FAM168A: variants seen among roughly 807,000 people sequenced by gnomAD.
FAM168A encodes family with sequence similarity 168 member A, also known as protein FAM168A.
In FAM168A, 3 loss-of-function variants were observed where a neutral mutation model predicts 28.5. The ratio of observed to expected loss-of-function variants is 0.11; its 90% confidence interval spans 0.05 to 0.27. The LOEUF (loss-of-function observed/expected upper bound fraction) is 0.27. Among genes scored for constraint, FAM168A ranks in the 10% least tolerant of loss-of-function variants. The probability of loss-of-function intolerance (pLI) is 1.00; values close to 1 mark genes in which losing one functional copy is unlikely to be tolerated. For synonymous variants in FAM168A, 122 were observed against 124.2 expected, an observed-to-expected ratio of 0.98 and a Z score of 0.12; for missense variants, 222 against 311.5, an observed-to-expected ratio of 0.71 and a Z score of 2.16.
At chr11:73,513,205 A>ATTTTTTTTTT (rs1046600591) in intron 1 of FAM168A, among the ~76,000 whole-genome samples, 1 of 109,378 alleles carries the variant, frequency 9.1e-6, no homozygotes, top group Admixed American at 9.4e-5. Flanking sequence ...TTTTTTTTTA[A>ATTTTTTTTTT]TTTTTTTTTT....
chr11:73,442,127 T>C (rs1369190086), intron 2 of FAM168A, among the ~76,000 whole-genome samples: 2 of 113,800 alleles, frequency 1.8e-5, no homozygotes, highest in Admixed American at 1.5e-4. Context: ...TTCTTCTTCT[T>C]TTTTTTTTTT....
At chr11:73,412,030 T>C (rs1401902292) in intron 4 of FAM168A, among the ~76,000 whole-genome samples, 1 of 152,200 alleles carries the variant, frequency 6.6e-6, no homozygotes, top group African/African-American at 2.4e-5. Context: ...TCTCTCTCAC[T>C]CTCTTCTTGG....
At chr11:73,591,716 A>T (rs1944384125) in intron 1 of FAM168A, among the ~76,000 whole-genome samples, 1 of 151,950 alleles carries the variant, frequency 6.6e-6, no homozygotes, top group African/African-American at 2.4e-5. Context: ...CACTATGTTG[A>T]TCAGATTGGT....
At chr11:73,535,013 G>C (rs1943559623) in intron 1 of FAM168A, among the ~76,000 whole-genome samples, 2 of 152,148 alleles carry the variant, frequency 1.3e-5, no homozygotes, top group African/African-American at 4.8e-5. Flanking sequence ...TTGTAGGAAG[G>C]AGACTAGAGG....
chr11:73,523,420 C>T (rs1943409839), intron 1 of FAM168A, among the ~76,000 whole-genome samples: 1 of 152,022 alleles, frequency 6.6e-6, no homozygotes, highest in African/African-American at 2.4e-5. Context: ...CTCTGCCTCC[C>T]CAGTAGCTGA....
At chr11:73,519,787 T>C (rs576961129) in intron 1 of FAM168A, among the ~76,000 whole-genome samples, 2,009 of 151,622 alleles carry the variant, frequency 0.013, 44 homozygotes, top group African/African-American at 0.045. Flanking sequence ...TATGTGTGTG[T>C]GTGTGTGCGT....
chr11:73,429,212 G>C (rs962117018), intron 3 of FAM168A, among the ~76,000 whole-genome samples: 1 of 152,116 alleles, frequency 6.6e-6, no homozygotes, highest in African/African-American at 2.4e-5. Flanking sequence ...GAAAGAGAAT[G>C]ACAGTAGAAT....
chr11:73,527,074 C>T (rs1399054317), intron 1 of FAM168A, among the ~76,000 whole-genome samples: 1 of 152,040 alleles, frequency 6.6e-6, no homozygotes, highest in African/African-American at 2.4e-5. Context: ...AAACTAACAG[C>T]ATGATCACAC....
At chr11:73,466,519 T>A (rs1172891466) in intron 2 of FAM168A, among the ~76,000 whole-genome samples, 1 of 152,144 alleles carries the variant, frequency 6.6e-6, no homozygotes, top group Non-Finnish European at 1.5e-5. Context: ...ATATAGTACC[T>A]AGTATGTTCT....
chr11:73,498,175 CA>C (rs1854932016), intron 1 of FAM168A, among the ~76,000 whole-genome samples: 1 of 152,106 alleles, frequency 6.6e-6, no homozygotes, highest in African/African-American at 2.4e-5. Context: ...CGAAAAAAAA[CA>C]TAATAAGTAT....
intron 1 of FAM168A, among the ~76,000 whole-genome samples, chr11:73,471,660 G>T (rs1867815579): frequency 6.6e-6 from 1 of 152,132 alleles, no homozygotes; most frequent in African/African-American, 2.4e-5. Context: ...ATGTTCCTAA[G>T]GAGATTTTGT....
At chr11:73,572,548 T>C (rs1462874658) in intron 1 of FAM168A, among the ~76,000 whole-genome samples, 1 of 151,046 alleles carries the variant, frequency 6.6e-6, no homozygotes, top group African/African-American at 2.4e-5. Flanking sequence ...TTCTTCTGCC[T>C]TGGGATCCTG....
chr11:73,484,548 CTATATCTA>C lies in FAM168A; in HGVS notation c.-18-16064_-18-16057del, dbSNP rs757019842. On this transcript the variant is annotated intron_variant, in intron 1 of 7. Coordinates refer to ENST00000356467, the MANE Select transcript of FAM168A (RefSeq NM_015159.3). The stretch of plus-strand genomic sequence containing the variant: ...TATATCTATATATCTATATATCTAT[CTATATCTA>C]TATATCTATATATCTATATATCGAT... Among the ~76,000 whole-genome samples the C allele has an allele frequency of 5.7e-3, 706 of 124,854 alleles. 14 individuals are homozygous for C. Among genetic ancestry groups the C allele is most frequent in the East Asian group, 3.6e-3 (17 of 4,736 alleles). 81.9% of individuals were successfully genotyped at this position (124,854 alleles called of 152,430 possible).
chr11:73,546,342 A>G (rs1453567854), intron 1 of FAM168A, among the ~76,000 whole-genome samples: 1 of 152,230 alleles, frequency 6.6e-6, no homozygotes, highest in African/African-American at 2.4e-5. Flanking sequence ...CAAATCAATC[A>G]AGAGCCATAA....
At chr11:73,591,966 A>G (rs979955287) in intron 1 of FAM168A, among the ~76,000 whole-genome samples, 1 of 152,244 alleles carries the variant, frequency 6.6e-6, no homozygotes, top group Non-Finnish European at 1.5e-5. Flanking sequence ...AACTCAAAAT[A>G]AAAGATAGAG....
At chr11:73,501,341 G>C (rs557821473) in intron 1 of FAM168A, among the ~76,000 whole-genome samples, 53 of 152,308 alleles carry the variant, frequency 3.5e-4, no homozygotes, top group African/African-American at 1.3e-3. Flanking sequence ...GGATCAAGTG[G>C]ACCTGGTAGA....
At chr11:73,426,703 C>CTCTGTGTGTGTG (rs1555018087) in intron 3 of FAM168A, among the ~76,000 whole-genome samples, 3 of 144,204 alleles carry the variant, frequency 2.1e-5, no homozygotes, top group African/African-American at 7.7e-5. Context: ...CCAAAATATG[C>CTCTGTGTGTGTG]TGTGTGTGTG....
intron 1 of FAM168A, among the ~76,000 whole-genome samples, chr11:73,572,233 C>T (rs1415438774): frequency 3.3e-5 from 5 of 151,590 alleles, no homozygotes; most frequent in Non-Finnish European, 5.9e-5. Flanking sequence ...CCCGGCCAGC[C>T]GCCCCGTCCG....
chr11:73,511,029 G>T (rs982728535), intron 1 of FAM168A, among the ~76,000 whole-genome samples: 1 of 152,046 alleles, frequency 6.6e-6, no homozygotes, highest in African/African-American at 2.4e-5. Flanking sequence ...AGGTCCCAAG[G>T]TCCCTTCCCA....
Sources: allele counts gnomAD v4.1 joint callset (sites outside exome capture counted in the v4.1 genomes callset), GRCh38; gene constraint gnomAD v4.1.1; transcripts MANE v1.5; gene names NCBI Gene and HGNC (gene_info 2026-07-23, HGNC 2026-07-21).